The following TRIM67 variants were observed in gnomAD, a reference collection of about 807,000 sequenced individuals.
TRIM67 encodes tripartite motif-containing protein 67.
TRIM67 carries 39 observed loss-of-function variants against 71.0 expected under a neutral mutation model. The ratio of observed to expected loss-of-function variants is 0.55; its 90% CI spans 0.43 to 0.72. The LOEUF (loss-of-function observed/expected upper bound fraction) is 0.72, where lower values mean the gene tolerates loss of function less well. Ranked by LOEUF, TRIM67 falls within the 30% of genes least tolerant of loss-of-function variation. The probability of loss-of-function intolerance (pLI) is 0.00; values close to 1 mark genes in which losing one functional copy is unlikely to be tolerated. For missense variants in TRIM67, 973 were observed against 1,079.2 expected (o/e 0.90, Z 1.38); for synonymous variants, 481 against 473.9 (o/e 1.01, Z -0.19).
intron 1 of TRIM67, among the ~76,000 whole-genome samples, chr1:231,189,717 G>A (rs1571885298): frequency 6.6e-6 from 1 of 152,124 alleles, no homozygotes; most frequent in Non-Finnish European, 1.5e-5. Context: ...TTTTATAAGG[G>A]TTCTAATCCC....
At chr1:231,208,813 A>G (rs74143586) in intron 7 of TRIM67, 134 bp from the exon 8 acceptor site, 22,380 of 776,664 alleles carry the variant, frequency 0.029, 758 homozygotes, top group African/African-American at 0.12. Flanking sequence ...TGTGGTAATC[A>G]TACAGGAAAG....
chr1:231,178,824 G>C (rs1482133067), intron 1 of TRIM67, among the ~76,000 whole-genome samples: 1 of 152,140 alleles, frequency 6.6e-6, no homozygotes, highest in Non-Finnish European at 1.5e-5. Flanking sequence ...ACAAAATGCT[G>C]GTGTGAGGAT....
intron 8 of TRIM67, among the ~76,000 whole-genome samples, chr1:231,213,573 C>T (rs1038374976): frequency 6.6e-6 from 1 of 152,072 alleles, no homozygotes; most frequent in African/African-American, 2.4e-5. Context: ...ACAAAAAACA[C>T]AAACAAAATT....
rs901633979 is a variant in TRIM67, at chr1:231,217,066, G to A, written c.*1626G>A. ...GGTTCTGCCTTCCTGTTCAGACACC[G>A]CGCCTGCTTTCTGAGTAACTGCCTG... On this transcript the variant is annotated 3_prime_UTR_variant, in exon 10 of 10. Coordinates refer to ENST00000366653, the MANE Select transcript of TRIM67 (RefSeq NM_001004342.5). The A allele has an allele frequency of 1.0e-5, 10 of 985,708 alleles. 1 individual carries two copies. Among genetic ancestry groups the A allele is most frequent in the South Asian group, 9.4e-5 (2 of 21,286 alleles). The allele number at this position is 985,708 out of a possible 1,614,324, so 61.1% of individuals were successfully genotyped here.
At chr1:231,182,181 G>A (rs1251103326) in intron 1 of TRIM67, among the ~76,000 whole-genome samples, 4 of 152,222 alleles carry the variant, frequency 2.6e-5, no homozygotes, top group Middle Eastern at 3.4e-3. Flanking sequence ...CATCTTGCCC[G>A]ATTAAAAACT....
In TRIM67 at chr1:231,207,508, G is replaced by A. The variant is rs1186733510; in HGVS notation, c.1819+718G>A. On this transcript the variant is annotated intron_variant, in intron 7 of 9. Coordinates refer to ENST00000366653, the MANE Select transcript of TRIM67 (RefSeq NM_001004342.5). ...TTCCAAAGAGAGTTCTGCTCCCCCA[G>A]GTGTGGCCCAGCCCAGGCTGCAGAG... Among the ~76,000 whole-genome samples the A allele has an allele frequency of 7.2e-5, 11 of 152,344 alleles. No individual in the cohort carries two copies. In the South Asian group the frequency reaches 2.3e-3, roughly 32 times the overall value.
At position 231,215,560 on chromosome 1, in the gene TRIM67, G is replaced by T. The variant is rs2102767764; in HGVS notation, c.*120G>T. 1.4e-6 allele frequency: 2 copies of T among 1,440,418 alleles called. 1 individual carries two copies. The highest frequency in any genetic ancestry group is 4.6e-5 in the Admixed American group (2 of 43,124). The allele number at this position is 1,440,418 out of a possible 1,614,324, so 89.2% of individuals were successfully genotyped here. ...ATATGCAAATCATGGGTGCAACCTG[G>T]CAGCGTGGAGTGTCATAGAAACACA... On this transcript the variant is annotated 3_prime_UTR_variant, in exon 10 of 10. Coordinates refer to ENST00000366653, the MANE Select transcript of TRIM67 (RefSeq NM_001004342.5).
At position 231,177,665 on chromosome 1, in the gene TRIM67, A is replaced by C. The variant is rs376085323; in HGVS notation, c.1044+13652A>C. On this transcript the variant is annotated intron_variant, in intron 1 of 9. Coordinates refer to ENST00000366653, the MANE Select transcript of TRIM67 (RefSeq NM_001004342.5). The stretch of plus-strand genomic sequence containing the variant: ...CTAATAACTCCAGACAGCTTTAAAA[A>C]TAAAATCCCATCTTGATTAGACTTT... Among the ~76,000 whole-genome samples the C allele has an allele frequency of 4.4e-4, 67 of 152,362 alleles. 1 individual carries two copies. In the East Asian group the frequency reaches 6.9e-3, roughly 16 times the overall value.
intron 1 of TRIM67, among the ~76,000 whole-genome samples, chr1:231,193,330 A>G (rs1424052455): frequency 6.6e-6 from 1 of 152,138 alleles, no homozygotes; most frequent in African/African-American, 2.4e-5. Context: ...GGTGCTATGA[A>G]CTGAATGTTT....
chr1:231,212,098 G>T (rs112760169), intron 8 of TRIM67, among the ~76,000 whole-genome samples: 6,488 of 152,228 alleles, frequency 0.043, 235 homozygotes, highest in African/African-American at 0.095. Flanking sequence ...TTATACTTAG[G>T]TTTAGGAAGG....
rs1489623967 is a variant in TRIM67 at position 231,215,609 on chromosome 1, G to T, written c.*169G>T. The T allele has an allele frequency of 3.6e-6, 5 of 1,401,958 alleles. No individual in the cohort carries two copies. Among genetic ancestry groups the T allele is most frequent in the Non-Finnish European group, 4.6e-6 (5 of 1,075,414 alleles). 86.8% of individuals were successfully genotyped at this position (1,401,958 alleles called of 1,614,324 possible). On this transcript the variant is annotated 3_prime_UTR_variant, in exon 10 of 10. Coordinates refer to ENST00000366653, the MANE Select transcript of TRIM67 (RefSeq NM_001004342.5). ...CATTTTCTTGGGGACGCAGGGAATG[G>T]GTCCACGGGCCATGCTCACAGCTGC...
At chr1:231,186,182 A>C in intron 1 of TRIM67, 1 of 1,532,660 alleles carries the variant, frequency 6.5e-7, no homozygotes, top group Non-Finnish European at 8.7e-7. Flanking sequence ...TTCTGCATGA[A>C]TCACAGCAGT....
At chr1:231,214,559 G>A (rs1249201383) in intron 9 of TRIM67, among the ~76,000 whole-genome samples, 7 of 150,814 alleles carry the variant, frequency 4.6e-5, no homozygotes, top group South Asian at 4.2e-4. Flanking sequence ...GGCGGATCAC[G>A]AGGTCAGGAG....
At position 231,176,914 on chromosome 1, in the gene TRIM67, A is replaced by AAAAAAAAAAAC. The variant is rs1558292706; in HGVS notation, c.1044+12910_1044+12911insACAAAAAAAAA. ...TTGCCAATACAATCTGGCAAAAAAA[A>AAAAAAAAAAAC]AAAAAAAAACACCTTTCAAACATCT... On this transcript the variant is annotated intron_variant, in intron 1 of 9. Coordinates refer to ENST00000366653, the MANE Select transcript of TRIM67 (RefSeq NM_001004342.5). Among the ~76,000 whole-genome samples the AAAAAAAAAAAC allele has an allele frequency of 3.3e-5, 5 of 151,580 alleles. 1 individual carries two copies. The highest frequency in any genetic ancestry group is 1.2e-4 in the African/African-American group (5 of 41,202).
At chr1:231,212,863 C>G (rs909050164) in intron 8 of TRIM67, among the ~76,000 whole-genome samples, 2 of 152,102 alleles carry the variant, frequency 1.3e-5, no homozygotes, top group Non-Finnish European at 2.9e-5. Flanking sequence ...GAATTCTTAC[C>G]ACCTACAAAG....
chr1:231,210,180 T>C (rs534158090), intron 8 of TRIM67, among the ~76,000 whole-genome samples: 1 of 152,278 alleles, frequency 6.6e-6, no homozygotes, highest in South Asian at 2.1e-4. Context: ...TTGCTCCTGG[T>C]CTGCTAAGGG....
chr1:231,219,934 G>A lies in TRIM67; in HGVS notation c.*4494G>A, dbSNP rs535009293. The A allele has an allele frequency of 7.1e-5, 92 of 1,289,754 alleles. No homozygotes were observed. In the African/African-American group the frequency reaches 1.3e-3, roughly 18 times the overall value. The allele number at this position is 1,289,754 out of a possible 1,614,324, so 79.9% of individuals were successfully genotyped here. ...TGATCAGACACCAAGTTCAGCCCTC[G>A]GTTACTTCCCTCTTTTAACCTGGCT... is the stretch of plus-strand genomic sequence containing the variant. On this transcript the variant is annotated 3_prime_UTR_variant, in exon 10 of 10. Coordinates refer to ENST00000366653, the MANE Select transcript of TRIM67 (RefSeq NM_001004342.5).
rs1684069676 is a variant in TRIM67 at position 231,218,518 on chromosome 1, A to G, written c.*3078A>G. The G allele has an allele frequency of 2.0e-6, 2 of 985,416 alleles. No homozygotes were observed. The highest frequency in any genetic ancestry group is 6.1e-5 in the Admixed American group (1 of 16,282). 61.0% of individuals were successfully genotyped at this position (985,416 alleles called of 1,614,324 possible). A position where few individuals can be genotyped will look rare whatever the true frequency, so the allele number is the denominator to read the frequency against. The stretch of plus-strand genomic sequence containing the variant: ...ATCTCTTCCGAAAATATCCACTAGC[A>G]CCTCACTGCATACATAGCATCCCAG... On this transcript the variant is annotated 3_prime_UTR_variant, in exon 10 of 10. Coordinates refer to ENST00000366653, the MANE Select transcript of TRIM67 (RefSeq NM_001004342.5).
Position 231,163,125 on chromosome 1 carries a change from C to T in TRIM67, c.156C>T (p.Ser52=). The T allele has an allele frequency of 1.9e-6, 3 of 1,553,562 alleles. No individual in the cohort carries two copies. The highest frequency in any genetic ancestry group is 2.6e-6 in the Non-Finnish European group (3 of 1,150,578). The change falls in exon 1 of 10, where the codon TCC becomes TCT. Residue 52 remains serine (S), a synonymous_variant. Transcript: ENST00000366653. ...ACCTGCCCCAGCCGCTCCTGCTTTC[C>T]CGGGGATCGGGGCTGCAGGCGGGCG... ...EQHLPQPLLL[S]RGSGLQAGAA...
Sources: allele counts gnomAD v4.1 joint callset (sites outside exome capture counted in the v4.1 genomes callset), GRCh38; gene constraint gnomAD v4.1.1; transcripts MANE v1.5; gene names NCBI Gene and HGNC (gene_info 2026-07-23, HGNC 2026-07-21).